TNKS2: variants seen among roughly 807,000 people sequenced by gnomAD.
TNKS2 encodes poly [ADP-ribose] polymerase tankyrase-2.
In TNKS2, 72 loss-of-function variants were observed where a neutral mutation model predicts 137.6. The ratio of observed to expected loss-of-function variants is 0.52; its 90% CI spans 0.43 to 0.64. The LOEUF (loss-of-function observed/expected upper bound fraction) is 0.64, where lower values mean the gene tolerates loss of function less well. TNKS2 is among the 30% of genes least tolerant of loss of function. The pLI is 0.00. For synonymous variants in TNKS2, 516 were observed against 512.1 expected, an observed-to-expected ratio of 1.01 and a Z score of -0.10; for missense variants, 1,049 against 1,410.2, an observed-to-expected ratio of 0.74 and a Z score of 4.10.
At chr10:91,805,445 C>CA (rs1054643202) in intron 1 of TNKS2, among the ~76,000 whole-genome samples, 3 of 152,194 alleles carry the variant, frequency 2.0e-5, no homozygotes, top group African/African-American at 7.2e-5. Context: ...GCTAAAACTT[C>CA]AGTTTCAGTT....
At chr10:91,838,339 A>G (rs1376993421) in intron 13 of TNKS2, among the ~76,000 whole-genome samples, 3 of 152,066 alleles carry the variant, frequency 2.0e-5, no homozygotes, top group Non-Finnish European at 4.4e-5. Flanking sequence ...CACTTGATGG[A>G]CATTTATCTC....
At position 91,834,469 on chromosome 10, in the gene TNKS2, T is replaced by G. The variant is rs184676341; in HGVS notation, c.1447+445T>G. ...AGATTTAGATCAAATATCTACACAC[T>G]TGGCATAGATGAAACATCTCAGCCC... On this transcript the variant is annotated intron_variant, in intron 12 of 26. Coordinates refer to ENST00000371627, the MANE Select transcript of TNKS2 (RefSeq NM_025235.4). Among the ~76,000 whole-genome samples, 62 of 152,364 alleles carry G rather than the reference T, an allele frequency of 4.1e-4. 1 individual carries two copies. Among genetic ancestry groups the G allele is most frequent in the African/African-American group, 1.4e-3 (59 of 41,586 alleles).
chr10:91,819,357 T>TTTA, intron 4 of TNKS2, 51 bp downstream of exon 4: 2 of 1,418,738 alleles, frequency 1.4e-6, no homozygotes, highest in Non-Finnish European at 1.9e-6. Context: ...CCATTAACTT[T>TTTA]TTCTTTTTTT....
chr10:91,821,018 A>G (rs1844872062), intron 6 of TNKS2, among the ~76,000 whole-genome samples: 1 of 151,902 alleles, frequency 6.6e-6, no homozygotes, highest in Admixed American at 6.6e-5. Flanking sequence ...TAGTTTTTTT[A>G]TTTGTTTGTT....
intron 2 of TNKS2, 72 bp from the exon 3 acceptor site, chr10:91,817,062 G>C: frequency 2.8e-6 from 3 of 1,076,812 alleles, no homozygotes; most frequent in Non-Finnish European, 2.8e-6. Context: ...CAGACTTCTT[G>C]AGAAAATGAT....
At chr10:91,807,901 C>G (rs1237239878) in intron 1 of TNKS2, among the ~76,000 whole-genome samples, 1 of 150,448 alleles carries the variant, frequency 6.6e-6, no homozygotes, top group Non-Finnish European at 1.5e-5. Context: ...GAGGCTGAAG[C>G]AGGAGAATGG....
At chr10:91,819,918 T>C in intron 5 of TNKS2, 21 bp from the exon 6 acceptor site, 3 of 1,495,304 alleles carry the variant, frequency 2.0e-6, no homozygotes, top group Middle Eastern at 4.1e-4. Flanking sequence ...ATTTCATTAA[T>C]ATATTTGATT....
rs73327849 is a variant in TNKS2 at position 91,860,151 on chromosome 10, C to T, written c.3281+503C>T. ...TTGAAAGGAAATAATAATCAAATAA[C>T]TACTTTGCACTTTTTTTTTCCACTT... On this transcript the variant is annotated intron_variant, in intron 25 of 26. Coordinates refer to ENST00000371627, the MANE Select transcript of TNKS2 (RefSeq NM_025235.4). Among the ~76,000 whole-genome samples the T allele has an allele frequency of 2.0e-3, 299 of 152,250 alleles. 1 individual carries two copies. The highest frequency in any genetic ancestry group is 6.9e-3 in the African/African-American group (286 of 41,534).
In TNKS2 at chr10:91,828,384, C is replaced by T. The variant is rs867664294; in HGVS notation, c.1082C>T (p.Pro361Leu). Reference sequence around the variant, plus strand: ...CTGGAAATGGTGAATTTCAAGCATCCTCAAACACATGAAACAGCATTGGTA... The same window carrying T: ...CTGGAAATGGTGAATTTCAAGCATCTTCAAACACATGAAACAGCATTGGTA... ...LSLEMVNFKH[P>L]QTHETALHCA... The change falls in exon 9 of 27, where the codon CCT becomes CTT. Residue 361 changes from proline to leucine, a missense_variant. Pro to Leu is a moderately conservative substitution (Grantham distance 98, BLOSUM62 -3). Coordinates refer to ENST00000371627, the MANE Select transcript of TNKS2 (RefSeq NM_025235.4). The T allele has an allele frequency of 1.2e-6, 2 of 1,602,802 alleles. No individual in the cohort carries two copies. The highest frequency in any genetic ancestry group is 1.7e-6 in the Non-Finnish European group (2 of 1,175,938).
At chr10:91,847,447 C>T (rs561195150) in intron 18 of TNKS2, among the ~76,000 whole-genome samples, 97 of 152,234 alleles carry the variant, frequency 6.4e-4, no homozygotes, top group African/African-American at 2.3e-3. Flanking sequence ...TCACTGCAAC[C>T]TCCGCCTCCC....
At chr10:91,807,691 A>G (rs1844370587) in intron 1 of TNKS2, among the ~76,000 whole-genome samples, 1 of 152,158 alleles carries the variant, frequency 6.6e-6, no homozygotes, top group African/African-American at 2.4e-5. Flanking sequence ...CTTGTCCTTC[A>G]TGGAACTAAG....
intron 7 of TNKS2, among the ~76,000 whole-genome samples, chr10:91,824,301 A>G (rs1237728962): frequency 2.0e-5 from 3 of 152,212 alleles, no homozygotes; most frequent in Non-Finnish European, 2.9e-5. Flanking sequence ...TTTAACAGCA[A>G]ACACCCAGTG....
At chr10:91,809,682 A>C (rs1844438309) in intron 1 of TNKS2, among the ~76,000 whole-genome samples, 1 of 151,886 alleles carries the variant, frequency 6.6e-6, no homozygotes, top group Non-Finnish European at 1.5e-5. Flanking sequence ...AAAAAAAAAA[A>C]TCTTAGCCCT....
chr10:91,832,042 A>T (rs1211260386), intron 11 of TNKS2, among the ~76,000 whole-genome samples: 1 of 152,202 alleles, frequency 6.6e-6, no homozygotes, highest in East Asian at 1.9e-4. Context: ...TTGAGTTTCC[A>T]TTCATTCAAG....
chr10:91,803,684 T>C (rs1844244522), intron 1 of TNKS2, among the ~76,000 whole-genome samples: 1 of 152,226 alleles, frequency 6.6e-6, no homozygotes, highest in South Asian at 2.1e-4. Flanking sequence ...AAAAAATGTG[T>C]CACTGAGAGT....
At position 91,863,021 on chromosome 10, in the gene TNKS2, T is replaced by C. The variant is rs1224638393; in HGVS notation, c.*22T>C. 1 of 1,563,946 alleles carries C rather than the reference T, an allele frequency of 6.4e-7. No individual in the cohort carries two copies. Among genetic ancestry groups the C allele is most frequent in the Non-Finnish European group, 8.8e-7 (1 of 1,137,552 alleles). ...ATAAATAGTTATTTTAAGAAACTAA[T>C]TCCACTGAACCTAAAATCATCAAAG... On this transcript the variant is annotated 3_prime_UTR_variant, in exon 27 of 27. Coordinates refer to ENST00000371627, the MANE Select transcript of TNKS2 (RefSeq NM_025235.4).
At chr10:91,832,053 G>T (rs1009889690) in intron 11 of TNKS2, among the ~76,000 whole-genome samples, 1 of 152,092 alleles carries the variant, frequency 6.6e-6, no homozygotes, top group Non-Finnish European at 1.5e-5. Context: ...TTCATTCAAG[G>T]AACGATTTAG....
intron 7 of TNKS2, among the ~76,000 whole-genome samples, chr10:91,825,184 C>T (rs762523883): frequency 3.9e-5 from 6 of 152,004 alleles, no homozygotes; most frequent in African/African-American, 9.7e-5. Context: ...TCATTGCAGC[C>T]GCAACCTTCC....
chr10:91,846,615 C>T (rs766338606), intron 18 of TNKS2, among the ~76,000 whole-genome samples: 1 of 152,124 alleles, frequency 6.6e-6, no homozygotes, highest in Non-Finnish European at 1.5e-5. Flanking sequence ...GGAAGGAATT[C>T]TTTTTGAGAT....
Sources: gnomAD v4.1 joint callset for allele counts (sites outside exome capture counted in the v4.1 genomes callset) on GRCh38, gnomAD v4.1.1 for gene constraint, MANE v1.5 for transcripts, NCBI Gene and HGNC (gene_info 2026-07-23, HGNC 2026-07-21) for gene names.